Variants in ADAMTS19 observed in about 807,000 individuals in gnomAD.
ADAMTS19 encodes the protein A disintegrin and metalloproteinase with thrombospondin motifs 19.
ADAMTS19 carries 93 observed loss-of-function variants against 153.3 expected under a neutral mutation model. The observed-to-expected ratio is 0.61, with a 90% CI of 0.51 to 0.72. ADAMTS19 has a LOEUF of 0.72. Among genes scored for constraint, ADAMTS19 ranks in the 30% least tolerant of loss-of-function variants. ADAMTS19 has a pLI of 0.00. For synonymous variants in ADAMTS19, 600 were observed against 556.6 expected (o/e 1.08, Z -1.10); for missense variants, 1,482 against 1,552.1 (o/e 0.95, Z 0.76).
chr5:129,672,920 A>G (rs1754372608), intron 16 of ADAMTS19, among the ~76,000 whole-genome samples: 1 of 151,868 alleles, frequency 6.6e-6, no homozygotes, highest in Admixed American at 6.6e-5. Context: ...TTTTGTGTCA[A>G]TTTTGGTAAC....
intron 2 of ADAMTS19, among the ~76,000 whole-genome samples, chr5:129,474,388 T>C (rs1561530601): frequency 6.6e-6 from 1 of 152,088 alleles, no homozygotes; most frequent in Admixed American, 6.5e-5. Flanking sequence ...TTTGTGTAGA[T>C]GGGTATTTTC....
At position 129,560,622 on chromosome 5, in the gene ADAMTS19, G is replaced by A. The variant is rs552034615; in HGVS notation, c.1372+8715G>A. 4.2e-4 allele frequency among the ~76,000 whole-genome samples: 64 copies of A among 152,216 alleles called. 1 individual carries two copies. In the South Asian group the frequency reaches 5.0e-3, roughly 12 times the overall value. On this transcript the variant is annotated intron_variant, in intron 7 of 22. Transcript: ENST00000274487. Reference sequence around the variant, plus strand: ...AGATGATTTTTGTTATTTTTACTCCGTCATTTATATGTTCAGGTGATTCGC... The same window carrying A: ...AGATGATTTTTGTTATTTTTACTCCATCATTTATATGTTCAGGTGATTCGC...
intron 6 of ADAMTS19, among the ~76,000 whole-genome samples, chr5:129,543,517 G>A (rs1216465965): frequency 6.6e-6 from 1 of 152,158 alleles, no homozygotes; most frequent in African/African-American, 2.4e-5. Context: ...TATGTCTACT[G>A]TGTTTTAGGG....
intron 6 of ADAMTS19, among the ~76,000 whole-genome samples, chr5:129,541,148 A>G (rs1340083691): frequency 6.6e-6 from 1 of 151,040 alleles, no homozygotes; most frequent in Non-Finnish European, 1.5e-5. Flanking sequence ...AGGTACTTCT[A>G]GTGTTTCTGG....
At chr5:129,705,252 T>C (rs1756089631) in intron 21 of ADAMTS19, among the ~76,000 whole-genome samples, 1 of 152,116 alleles carries the variant, frequency 6.6e-6, no homozygotes, top group African/African-American at 2.4e-5. Flanking sequence ...CCTTTTATTG[T>C]ATAAAAGAGA....
At chr5:129,552,475 A>T (rs899222835) in intron 7 of ADAMTS19, among the ~76,000 whole-genome samples, 1 of 151,686 alleles carries the variant, frequency 6.6e-6, no homozygotes, top group Non-Finnish European at 1.5e-5. Context: ...TTCATGTTTT[A>T]AAATGTATCT....
intron 10 of ADAMTS19, among the ~76,000 whole-genome samples, chr5:129,631,469 C>G (rs1160645534): frequency 6.6e-6 from 1 of 151,926 alleles, no homozygotes; most frequent in Non-Finnish European, 1.5e-5. Context: ...CTGCAATTGT[C>G]TACTCCCTTC....
chr5:129,624,872 C>T (rs571733762), intron 10 of ADAMTS19, among the ~76,000 whole-genome samples: 3 of 152,054 alleles, frequency 2.0e-5, no homozygotes, highest in South Asian at 4.2e-4. Context: ...TTCTAGGGTA[C>T]ATGTGCACAA....
At chr5:129,517,858 A>T (rs2126741519) in intron 3 of ADAMTS19, among the ~76,000 whole-genome samples, 1 of 151,974 alleles carries the variant, frequency 6.6e-6, no homozygotes, top group South Asian at 2.1e-4. Context: ...TTGTTGTCGT[A>T]TCTTCCTTGT....
intron 8 of ADAMTS19, among the ~76,000 whole-genome samples, chr5:129,600,442 A>G (rs1280125294): frequency 6.6e-6 from 1 of 152,294 alleles, no homozygotes; most frequent in East Asian, 1.9e-4. Flanking sequence ...GAATGATTCC[A>G]TGTAAACTTT....
At chr5:129,477,556 T>C (rs1259894060) in intron 2 of ADAMTS19, among the ~76,000 whole-genome samples, 1 of 152,222 alleles carries the variant, frequency 6.6e-6, no homozygotes, top group East Asian at 1.9e-4. Context: ...TCATTTGAAA[T>C]GCTTTGGAGT....
At chr5:129,614,176 A>G (rs1282877791) in intron 8 of ADAMTS19, among the ~76,000 whole-genome samples, 1 of 152,152 alleles carries the variant, frequency 6.6e-6, no homozygotes, top group Non-Finnish European at 1.5e-5. Context: ...ATCCTCCCTA[A>G]CTCATTTTAT....
chr5:129,716,070 C>T (rs1255241233), intron 21 of ADAMTS19, among the ~76,000 whole-genome samples: 1 of 152,056 alleles, frequency 6.6e-6, no homozygotes, highest in Admixed American at 6.6e-5. Context: ...AAAAATATTC[C>T]ATGTGATGGG....
intron 7 of ADAMTS19, among the ~76,000 whole-genome samples, chr5:129,563,151 A>C (rs1753583141): frequency 1.3e-5 from 2 of 152,148 alleles, no homozygotes; most frequent in Admixed American, 6.5e-5. Context: ...CATTTTTGCC[A>C]GGTGAGAAGA....
At chr5:129,548,517 C>A (rs1039415184) in intron 6 of ADAMTS19, among the ~76,000 whole-genome samples, 1 of 151,868 alleles carries the variant, frequency 6.6e-6, no homozygotes, top group African/African-American at 2.4e-5. Context: ...ATTAAAAAGT[C>A]AGGAAACAAC....
chr5:129,605,787 T>C (rs1750863675), intron 8 of ADAMTS19, among the ~76,000 whole-genome samples: 1 of 152,168 alleles, frequency 6.6e-6, no homozygotes, highest in South Asian at 2.1e-4. Context: ...TGAAAGAGAC[T>C]GCATTAAACA....
chr5:129,527,631 T>TC (rs1752059795), intron 4 of ADAMTS19, 117 bp from the exon 5 acceptor site: 1 of 265,556 alleles, frequency 3.8e-6, no homozygotes, highest in African/African-American at 3.9e-5. Context: ...TTTTTTTTTT[T>TC]TTAAAAAAAA....
chr5:129,618,403 T>C (rs1751625705), intron 8 of ADAMTS19, among the ~76,000 whole-genome samples: 1 of 151,962 alleles, frequency 6.6e-6, no homozygotes, highest in Admixed American at 6.6e-5. Context: ...GTGTTTTAGT[T>C]TTATTTATAC....
At chr5:129,677,854 C>T (rs1754619147) in intron 16 of ADAMTS19, among the ~76,000 whole-genome samples, 1 of 152,034 alleles carries the variant, frequency 6.6e-6, no homozygotes, top group Non-Finnish European at 1.5e-5. Flanking sequence ...GTTCTGTTGC[C>T]CAGGCTGGAG....
Sources: gnomAD v4.1 joint callset for allele counts (sites outside exome capture counted in the v4.1 genomes callset) on GRCh38, gnomAD v4.1.1 for gene constraint, MANE v1.5 for transcripts, NCBI Gene and HGNC (gene_info 2026-07-23, HGNC 2026-07-21) for gene names.